The following NUP107 variants were observed in gnomAD, a reference collection of about 807,000 sequenced individuals.
NUP107 encodes the protein nuclear pore complex protein Nup107.
A neutral mutation model predicts 141.0 loss-of-function variants in NUP107; 101 were observed. The observed-to-expected ratio is 0.72, with a 90% CI of 0.61 to 0.84. NUP107 has a LOEUF of 0.84. Ranked by LOEUF, NUP107 falls within the 40% of genes least tolerant of loss-of-function variation. The probability of loss-of-function intolerance (pLI) is 0.00; values close to 1 mark genes in which losing one functional copy is unlikely to be tolerated. For missense variants in NUP107, 941 were observed against 1,102.7 expected (o/e 0.85, Z 2.08); for synonymous variants, 319 against 363.9 (o/e 0.88, Z 1.41).
At chr12:68,732,585 T>TA (rs796292951) in intron 22 of NUP107, 52 bp from the exon 23 acceptor site, 27,859 of 914,154 alleles carry the variant, frequency 0.03, 1 homozygote, top group South Asian at 0.039. Context: ...AGAATATCTT[T>TA]AAAAAAAAAA....
chr12:68,689,554 A>G lies in NUP107; in HGVS notation c.122A>G (p.Asn41Ser), dbSNP rs766333397. The G allele has an allele frequency of 2.4e-5, 38 of 1,610,774 alleles. 2 individuals carry two copies. In the South Asian group the frequency reaches 4.2e-4, roughly 18 times the overall value. ...RVLLQASQDE[N>S]FGNTTPRNQV... ...ACAGTTCAGGCATCTCAAGATGAAA[A>G]TTTTGGTAATACTACACCAAGAAAC... The change falls in exon 3 of 28, where the codon AAT becomes AGT. Residue 41 changes from asparagine (N) to serine (S), a missense_variant. Coordinates refer to ENST00000229179, the MANE Select transcript of NUP107 (RefSeq NM_020401.4).
Position 68,715,695 on chromosome 12 carries a change from A to C in NUP107, c.1038A>C (p.Leu346Phe). The change falls in exon 12 of 28, where the codon TTA becomes TTC. Residue 346 changes from leucine (L) to phenylalanine (F), a missense_variant. Leu to Phe is a conservative substitution (Grantham distance 22). Transcript: ENST00000229179. ...TGGATAGAGAAGATGAAGTTAGATT[A>C]CTCAAATATCTCTTTACTCTAATCC... ...DDLDREDEVR[L>F]LKYLFTLIRA... 3.7e-6 allele frequency: 6 copies of C among 1,612,814 alleles called. No individual in the cohort carries two copies. The South Asian group carries it at 6.6e-5, about 18-fold the overall frequency.
Position 68,689,524 on chromosome 12 carries a change from G to A in NUP107, c.101-9G>A, listed in dbSNP as rs776627730. 7 of 1,558,696 alleles carry A rather than the reference G, an allele frequency of 4.5e-6. No individual in the cohort carries two copies. Among genetic ancestry groups the A allele is most frequent in the African/African-American group, 1.4e-5 (1 of 72,766 alleles). On this transcript the variant is annotated splice_polypyrimidine_tract_variant and intron_variant, in intron 2 of 27. Coordinates refer to ENST00000229179, the MANE Select transcript of NUP107 (RefSeq NM_020401.4). ...CTACATGGAAAACTTTTCTTAACTCGTTGTACAGTTCAGGCATCTCAAGAT... is the reference window on the plus strand; with the variant it reads ...CTACATGGAAAACTTTTCTTAACTCATTGTACAGTTCAGGCATCTCAAGAT...
chr12:68,687,209 C>A (rs1269999623), intron 1 of NUP107, 136 bp downstream of exon 1: 2 of 1,286,160 alleles, frequency 1.6e-6, no homozygotes, highest in Non-Finnish European at 2.2e-6. Flanking sequence ...TTCCCCATGC[C>A]GGGAAATTTG....
intron 17 of NUP107, among the ~76,000 whole-genome samples, chr12:68,722,864 T>C (rs1565698659): frequency 6.6e-6 from 1 of 152,198 alleles, no homozygotes; most frequent in Non-Finnish European, 1.5e-5. Context: ...TTGGGTAGTA[T>C]TTAGGTTATT....
At position 68,706,353 on chromosome 12, in the gene NUP107, C is replaced by T. The variant is rs559664520; in HGVS notation, c.730-2885C>T. The T allele has an allele frequency of 2.8e-5, 38 of 1,379,650 alleles. No homozygotes were observed. The East Asian group carries it at 5.5e-4, about 20-fold the overall frequency. 85.5% of individuals were successfully genotyped at this position (1,379,650 alleles called of 1,614,324 possible). On this transcript the variant is annotated intron_variant, in intron 8 of 27. Transcript: ENST00000229179. ...ATCCGGGAGCTGCAGTCCCAGATCT[C>T]GGACACATCTGTGGTGCTGTCCATT...
chr12:68,728,654 C>T (rs1307553132), intron 20 of NUP107, among the ~76,000 whole-genome samples: 1 of 151,050 alleles, frequency 6.6e-6, no homozygotes, highest in Non-Finnish European at 1.5e-5. Context: ...TCATGATCCA[C>T]CCCCCTCAGT....
chr12:68,734,263 G>A (rs572071607), intron 24 of NUP107, among the ~76,000 whole-genome samples: 1 of 152,176 alleles, frequency 6.6e-6, no homozygotes, highest in Admixed American at 6.5e-5. Context: ...ATGTACTCCA[G>A]TCTGGGTGAC....
At chr12:68,703,262 G>A (rs1011108325) in intron 8 of NUP107, among the ~76,000 whole-genome samples, 8 of 152,090 alleles carry the variant, frequency 5.3e-5, no homozygotes, top group African/African-American at 1.9e-4. Flanking sequence ...AGAGTTAGAG[G>A]TAAAAGTCCC....
intron 5 of NUP107, 195 bp downstream of exon 5, chr12:68,692,307 G>A (rs1206834356): frequency 3.4e-5 from 18 of 528,558 alleles, no homozygotes; most frequent in African/African-American, 1.4e-4. Flanking sequence ...GTTGCCGGGC[G>A]CGGTGGCTCA....
intron 10 of NUP107, among the ~76,000 whole-genome samples, chr12:68,711,168 C>T (rs537052029): frequency 2.0e-5 from 3 of 151,558 alleles, no homozygotes; most frequent in Non-Finnish European, 4.4e-5. Context: ...CTGGCTAATG[C>T]GGTGAAACCC....
intron 14 of NUP107, among the ~76,000 whole-genome samples, chr12:68,720,211 A>G (rs137922504): frequency 4.6e-5 from 7 of 152,312 alleles, no homozygotes; most frequent in Non-Finnish European, 8.8e-5. Flanking sequence ...TGATACATAA[A>G]ATGATAAAAA....
intron 18 of NUP107, 40 bp downstream of exon 18, chr12:68,725,836 T>G (rs75589059): frequency 2.2e-6 from 2 of 914,920 alleles, no homozygotes; most frequent in Non-Finnish European, 1.6e-6. Flanking sequence ...TTTTTGTGTG[T>G]GTTTTTTTTT....
In NUP107 at chr12:68,739,054, C is replaced by G. The variant is rs939175380; in HGVS notation, c.2503-2759C>G. On this transcript the variant is annotated intron_variant, in intron 26 of 27. Coordinates refer to ENST00000229179, the MANE Select transcript of NUP107 (RefSeq NM_020401.4). ...GCATTCTGGGCCTCTTCATTGGTTC[C>G]CCTCTGCCTAGAATGCTCCTTCGCC... Among the ~76,000 whole-genome samples, 3 of 151,994 alleles carry G rather than the reference C, an allele frequency of 2.0e-5. No individual in the cohort carries two copies. In the South Asian group the frequency reaches 6.2e-4, roughly 32 times the overall value.
intron 10 of NUP107, among the ~76,000 whole-genome samples, chr12:68,712,091 C>G (rs1440728181): frequency 2.0e-5 from 3 of 152,110 alleles, no homozygotes; most frequent in South Asian, 2.1e-4. Flanking sequence ...GAAACCTCCC[C>G]TAAGTTAAAG....
chr12:68,705,758 G>A (rs985845040), intron 8 of NUP107: 1 of 723,762 alleles, frequency 1.4e-6, no homozygotes, highest in East Asian at 2.6e-5. Context: ...TCCCGAATGG[G>A]CAGCAGCAGT....
chr12:68,736,797 G>T (rs771437597), intron 26 of NUP107, among the ~76,000 whole-genome samples: 1 of 140,494 alleles, frequency 7.1e-6, no homozygotes, highest in South Asian at 2.2e-4. Flanking sequence ...ATCTTGGCTC[G>T]CCTCCCAGAT....
intron 24 of NUP107, among the ~76,000 whole-genome samples, chr12:68,734,192 G>T (rs535420233): frequency 6.6e-6 from 1 of 152,168 alleles, no homozygotes; most frequent in South Asian, 2.1e-4. Context: ...TGGGAGGATC[G>T]CATGAGCCCA....
chr12:68,719,453 T>C (rs1592511365), intron 13 of NUP107, 22 bp downstream of exon 13: 2 of 1,604,182 alleles, frequency 1.2e-6, no homozygotes, highest in East Asian at 2.2e-5. Context: ...GATTTTATTC[T>C]GACAGTTGAG....
Sources: allele counts gnomAD v4.1 joint callset (sites outside exome capture counted in the v4.1 genomes callset), GRCh38; gene constraint gnomAD v4.1.1; transcripts MANE v1.5; gene names NCBI Gene and HGNC (gene_info 2026-07-23, HGNC 2026-07-21).